RABGAP1L: variants seen among roughly 807,000 people sequenced by gnomAD.
The protein encoded by RABGAP1L is rab GTPase-activating protein 1-like.
RABGAP1L carries 63 observed loss-of-function variants against 137.7 expected under a neutral mutation model. The ratio of observed to expected loss-of-function variants is 0.46; its 90% CI spans 0.37 to 0.56. The LOEUF (loss-of-function observed/expected upper bound fraction) is 0.56, where lower values mean the gene tolerates loss of function less well. RABGAP1L is among the 20% of genes least tolerant of loss of function. The pLI is 0.00. For missense variants in RABGAP1L, 1,095 were observed against 1,244.0 expected, an observed-to-expected ratio of 0.88 and a Z score of 1.80; for synonymous variants, 431 against 433.7, an observed-to-expected ratio of 0.99 and a Z score of 0.08.
intron 13 of RABGAP1L, among the ~76,000 whole-genome samples, chr1:174,530,206 C>T (rs1239663413): frequency 6.6e-6 from 1 of 151,860 alleles, no homozygotes; most frequent in African/African-American, 2.4e-5. Context: ...ACTACTTGCA[C>T]CTCAGTCCCA....
intron 17 of RABGAP1L, among the ~76,000 whole-genome samples, chr1:174,706,372 A>T (rs1417256700): frequency 6.6e-6 from 1 of 152,160 alleles, no homozygotes; most frequent in Non-Finnish European, 1.5e-5. Context: ...ACATTTTCTT[A>T]TGTTAAGATG....
chr1:174,456,665 C>G (rs980670545), intron 13 of RABGAP1L, among the ~76,000 whole-genome samples: 2 of 151,934 alleles, frequency 1.3e-5, no homozygotes, highest in African/African-American at 4.8e-5. Flanking sequence ...AATATAGTTA[C>G]AGAAAAATTA....
At chr1:174,620,036 C>A (rs1420167979) in intron 13 of RABGAP1L, among the ~76,000 whole-genome samples, 2 of 152,070 alleles carry the variant, frequency 1.3e-5, no homozygotes, top group African/African-American at 4.8e-5. Context: ...TCAAAAGAGA[C>A]AAAGAAGGCC....
intron 18 of RABGAP1L, chr1:174,800,322 A>C (rs574558942): frequency 6.5e-7 from 1 of 1,549,258 alleles, no homozygotes; most frequent in East Asian, 2.4e-5. Context: ...CTGGATACCT[A>C]CTTAGTGCTC....
intron 19 of RABGAP1L, among the ~76,000 whole-genome samples, chr1:174,924,071 A>C (rs994083892): frequency 1.3e-5 from 2 of 151,992 alleles, no homozygotes. Context: ...ACTACTGGAC[A>C]GTCTAGAAAG....
At chr1:174,693,375 T>C (rs534651715) in intron 15 of RABGAP1L, among the ~76,000 whole-genome samples, 1 of 152,326 alleles carries the variant, frequency 6.6e-6, no homozygotes, top group South Asian at 2.1e-4. Flanking sequence ...AGCACAGCCA[T>C]TGTTACAAAT....
Position 174,631,756 on chromosome 1 carries a change from C to T in RABGAP1L, c.1711-5619C>T, listed in dbSNP as rs1384671517. Among the ~76,000 whole-genome samples the T allele has an allele frequency of 2.6e-4, 38 of 146,052 alleles. No individual in the cohort carries two copies. The South Asian group carries it at 8.6e-3, about 33-fold the overall frequency. Reference sequence around the variant, plus strand: ...TTTTCCATTTGCTTGGTAGATCTTCCTCCATCCTTTTATTTTGAGCCTATG... The same window carrying T: ...TTTTCCATTTGCTTGGTAGATCTTCTTCCATCCTTTTATTTTGAGCCTATG... On this transcript the variant is annotated intron_variant, in intron 13 of 25. Transcript: ENST00000681986.
chr1:174,798,240 C>CA (rs1161748259), intron 18 of RABGAP1L, among the ~76,000 whole-genome samples: 21,268 of 82,936 alleles, frequency 0.26, 4,333 homozygotes, highest in African/African-American at 0.54. Context: ...ACTAAAAATA[C>CA]AAAAAAAAAA....
intron 19 of RABGAP1L, among the ~76,000 whole-genome samples, chr1:174,888,997 C>A (rs1292074582): frequency 2.6e-5 from 4 of 152,006 alleles, no homozygotes; most frequent in Non-Finnish European, 5.9e-5. Flanking sequence ...ATTTTTAAAT[C>A]TTTTTATCCT....
intron 20 of RABGAP1L, among the ~76,000 whole-genome samples, chr1:174,962,205 C>CACA (rs1553295730): frequency 5.1e-5 from 7 of 136,824 alleles, no homozygotes; most frequent in African/African-American, 2.1e-4. Flanking sequence ...CACCCCCCCC[C>CACA]CACACACACA....
At chr1:174,437,261 A>C (rs562591723) in intron 13 of RABGAP1L, among the ~76,000 whole-genome samples, 86 of 152,324 alleles carry the variant, frequency 5.6e-4, no homozygotes, top group African/African-American at 1.9e-3. Context: ...TCAGAAGATC[A>C]AACTACTCCG....
rs1307405406 is a variant in RABGAP1L at position 174,917,342 on chromosome 1, G to A, written c.2341-40115G>A. ...ATTTATAAATATGTGTTGATATTAT[G>A]TATACATCAGAATATATAATGTATG... On this transcript the variant is annotated intron_variant, in intron 19 of 25. Coordinates refer to ENST00000681986, the MANE Select transcript of RABGAP1L (RefSeq NM_001366446.1). Among the ~76,000 whole-genome samples the A allele has an allele frequency of 2.0e-5, 3 of 152,218 alleles. No individual in the cohort carries two copies. The South Asian group carries it at 6.2e-4, about 32-fold the overall frequency.
chr1:174,386,608 A>G (rs888871755), intron 12 of RABGAP1L, among the ~76,000 whole-genome samples: 34 of 151,944 alleles, frequency 2.2e-4, no homozygotes, highest in Non-Finnish European at 4.4e-5. Flanking sequence ...CCTGGGTTCA[A>G]GTGATTCTCC....
At chr1:174,478,269 G>A (rs187999990) in intron 13 of RABGAP1L, among the ~76,000 whole-genome samples, 336 of 151,292 alleles carry the variant, frequency 2.2e-3, no homozygotes, top group Non-Finnish European at 4.0e-3. Context: ...TTTGTTTTTC[G>A]GAGGTGTGTG....
chr1:174,169,072 G>GTAATATTA (rs1371105174), intron 1 of RABGAP1L, among the ~76,000 whole-genome samples: 12 of 152,130 alleles, frequency 7.9e-5, no homozygotes, highest in Non-Finnish European at 1.5e-5. Flanking sequence ...ATATGATAAT[G>GTAATATTA]TAGGCCTCTT....
At chr1:174,581,247 A>T (rs977512385) in intron 13 of RABGAP1L, among the ~76,000 whole-genome samples, 1 of 152,234 alleles carries the variant, frequency 6.6e-6, no homozygotes, top group African/African-American at 2.4e-5. Flanking sequence ...TGTTCATAAT[A>T]GCCAAAAAAG....
In RABGAP1L at chr1:174,777,971, C is replaced by A. The variant is rs548515710; in HGVS notation, c.2211+25617C>A. On this transcript the variant is annotated intron_variant, in intron 18 of 25. Coordinates refer to ENST00000681986, the MANE Select transcript of RABGAP1L (RefSeq NM_001366446.1). Reference sequence around the variant, plus strand: ...GGAAAGGATGGGAGTGAATGGTGGGCAAAAAGCACTTGAAGAAATAATGGC... The same window carrying A: ...GGAAAGGATGGGAGTGAATGGTGGGAAAAAAGCACTTGAAGAAATAATGGC... 3.3e-5 allele frequency among the ~76,000 whole-genome samples: 5 copies of A among 151,998 alleles called. No individual in the cohort carries two copies. The East Asian group carries it at 7.7e-4, about 24-fold the overall frequency.
intron 13 of RABGAP1L, among the ~76,000 whole-genome samples, chr1:174,571,550 CTACTG>C (rs914082133): frequency 3.7e-4 from 56 of 152,038 alleles, no homozygotes; most frequent in African/African-American, 1.3e-3. Flanking sequence ...ATATATACAC[CTACTG>C]TGTACCCACG....
chr1:174,547,438 G>A (rs144207695), intron 13 of RABGAP1L, among the ~76,000 whole-genome samples: 1 of 152,218 alleles, frequency 6.6e-6, no homozygotes, highest in African/African-American at 2.4e-5. Flanking sequence ...GCAATGTAGC[G>A]AGACCTCATC....
Sources: gnomAD v4.1 joint callset for allele counts (sites outside exome capture counted in the v4.1 genomes callset) on GRCh38, gnomAD v4.1.1 for gene constraint, MANE v1.5 for transcripts, NCBI Gene and HGNC (gene_info 2026-07-23, HGNC 2026-07-21) for gene names.